Variants in TTC7A observed in about 807,000 individuals in gnomAD.
TTC7A encodes the protein tetratricopeptide repeat domain 7A.
Under a neutral mutation model 103.7 loss-of-function variants are expected in TTC7A, and 110 were observed. That is an observed-to-expected ratio of 1.06 (90% CI 0.91 to 1.24). TTC7A has a LOEUF of 1.24. Among genes scored for constraint, TTC7A ranks in the 50% most tolerant of loss-of-function variants. The pLI is 0.00. For synonymous variants in TTC7A, 521 were observed against 467.9 expected (o/e 1.11, Z -1.47); for missense variants, 1,340 against 1,116.3 (o/e 1.20, Z -2.86).
intron 2 of TTC7A, among the ~76,000 whole-genome samples, chr2:46,954,665 G>T (rs1024569169): frequency 2.1e-4 from 31 of 145,328 alleles, no homozygotes; most frequent in African/African-American, 7.8e-4. Context: ...TCCGCCTCCC[G>T]GGTTCAAGCG....
intron 15 of TTC7A, among the ~76,000 whole-genome samples, chr2:47,038,462 C>T (rs1001629227): frequency 3.9e-4 from 60 of 152,138 alleles, no homozygotes; most frequent in African/African-American, 1.3e-3. Context: ...AGAGGCGTGG[C>T]CACCTGACTC....
chr2:47,006,562 G>C, intron 9 of TTC7A, 79 bp from the exon 10 acceptor site: 1 of 1,311,844 alleles, frequency 7.6e-7, no homozygotes, highest in Middle Eastern at 1.8e-4. Flanking sequence ...GACTTGGGCA[G>C]TAACTACCCT....
At chr2:46,924,642 C>G (rs536093545) in intron 2 of TTC7A, among the ~76,000 whole-genome samples, 1 of 150,644 alleles carries the variant, frequency 6.6e-6, no homozygotes, top group African/African-American at 2.4e-5. Context: ...TTTTTTTCCC[C>G]TGGAGATAGG....
chr2:46,989,965 G>A (rs1675449764), intron 5 of TTC7A, among the ~76,000 whole-genome samples: 1 of 152,188 alleles, frequency 6.6e-6, no homozygotes, highest in South Asian at 2.1e-4. Context: ...TGGCAATGCA[G>A]AGAGAGGACA....
intron 5 of TTC7A, among the ~76,000 whole-genome samples, chr2:46,986,484 G>A (rs1382066081): frequency 6.6e-6 from 1 of 152,118 alleles, no homozygotes; most frequent in Non-Finnish European, 1.5e-5. Flanking sequence ...AGCCTGTGGT[G>A]GAGACGGTCA....
chr2:46,944,509 AGAAG>A (rs1428262395), intron 1 of TTC7A, among the ~76,000 whole-genome samples: 1 of 151,116 alleles, frequency 6.6e-6, no homozygotes, highest in East Asian at 2.0e-4. Context: ...CCTCCTGACT[AGAAG>A]GAAGGGCAGA....
At chr2:47,028,486 G>C (rs755537697) in intron 14 of TTC7A, among the ~76,000 whole-genome samples, 13 of 152,176 alleles carry the variant, frequency 8.5e-5, no homozygotes, top group Non-Finnish European at 1.6e-4. Context: ...AGCAGCTGGG[G>C]CCTGCCCTCT....
intron 2 of TTC7A, among the ~76,000 whole-genome samples, chr2:46,920,047 T>G (rs1669019133): frequency 6.6e-6 from 1 of 152,194 alleles, no homozygotes. Flanking sequence ...ACTGGGGTGG[T>G]GAATATGATG....
chr2:46,941,409 CGCTGCCGCCCGGGCCCCG>C lies in TTC7A; in HGVS notation c.-125_-108del, dbSNP rs1670358992. 8 of 844,116 alleles carry C rather than the reference CGCTGCCGCCCGGGCCCCG, an allele frequency of 9.5e-6. 1 individual carries two copies. Among genetic ancestry groups the C allele is most frequent in the South Asian group, 1.0e-4 (2 of 19,114 alleles). The allele number at this position is 844,116 out of a possible 1,614,324, so 52.3% of individuals were successfully genotyped here. On this transcript the variant is annotated 5_prime_UTR_variant, in exon 1 of 20. Coordinates refer to ENST00000319190, the MANE Select transcript of TTC7A (RefSeq NM_020458.4). The surrounding 1 kb of genome is among the most constrained non-coding windows in gnomAD (Gnocchi z 4.2). ...GCCCACCCTCCGCCGCCCGGGCCCC[CGCTGCCGCCCGGGCCCCG>C]GCTGCCGTCTGCGCCCCCGTCGACC...
intron 11 of TTC7A, among the ~76,000 whole-genome samples, chr2:47,020,263 T>C (rs1240619370): frequency 2.0e-5 from 3 of 152,226 alleles, no homozygotes; most frequent in Non-Finnish European, 4.4e-5. Flanking sequence ...GGAGCCTGTC[T>C]GGGGCTTGTC....
Position 46,956,834 on chromosome 2 carries a change from T to G in TTC7A, c.349-5T>G. 1 of 1,613,908 alleles carries G rather than the reference T, an allele frequency of 6.2e-7. No homozygotes were observed. Among genetic ancestry groups the G allele is most frequent in the Non-Finnish European group, 8.5e-7 (1 of 1,179,836 alleles). Reference sequence around the variant, plus strand: ...GGCGCTGGTAACATGTCCTTGTCATTTCAGCCACAGTACATGTGTGAGGCC... The same window carrying G: ...GGCGCTGGTAACATGTCCTTGTCATGTCAGCCACAGTACATGTGTGAGGCC... On this transcript the variant is annotated splice_polypyrimidine_tract_variant and splice_region_variant and intron_variant, in intron 2 of 19. Transcript: ENST00000319190.
rs1674142873 is a variant in TTC7A, at chr2:46,978,871, C to T, written c.728C>T (p.Ala243Val). 2 of 1,613,916 alleles carry T rather than the reference C, an allele frequency of 1.2e-6. No homozygotes were observed. Among genetic ancestry groups the T allele is most frequent in the Admixed American group, 1.7e-5 (1 of 60,002 alleles). Reference sequence around the variant, plus strand: ...GAGCTCACCTACTTCCTGGAAGCTGCCCTCCAGAGCGCCTATGTGAAAAAC... The same window carrying T: ...GAGCTCACCTACTTCCTGGAAGCTGTCCTCCAGAGCGCCTATGTGAAAAAC... ...DYELTYFLEA[A>V]LQSAYVKNLK... The change falls in exon 5 of 20, where the codon GCC becomes GTC. Residue 243 changes from alanine to valine, a missense_variant. Coordinates refer to ENST00000319190, the MANE Select transcript of TTC7A (RefSeq NM_020458.4).
intron 1 of TTC7A, among the ~76,000 whole-genome samples, chr2:46,942,044 C>T (rs1670466823): frequency 6.6e-6 from 1 of 152,210 alleles, no homozygotes; most frequent in Admixed American, 6.5e-5. Flanking sequence ...CCCCCCACCG[C>T]GGTCCGAGGG....
intron 19 of TTC7A, among the ~76,000 whole-genome samples, chr2:47,061,450 G>A (rs771795922): frequency 5.9e-5 from 9 of 152,286 alleles, no homozygotes; most frequent in Non-Finnish European, 1.2e-4. Context: ...GTTTTCTGGG[G>A]TGGGCTGTCA....
In TTC7A at chr2:47,006,127, G is replaced by A. The variant is rs1246929154; in HGVS notation, c.1203+68G>A. Reference sequence around the variant, plus strand: ...TGGTCTGTAAAGGAAATCAGACAGAGCCATTTGTCCCTTCTCCACCTGTCA... The same window carrying A: ...TGGTCTGTAAAGGAAATCAGACAGAACCATTTGTCCCTTCTCCACCTGTCA... On this transcript the variant is annotated intron_variant, in intron 9 of 19. Coordinates refer to ENST00000319190, the MANE Select transcript of TTC7A (RefSeq NM_020458.4). 25 of 1,576,718 alleles carry A rather than the reference G, an allele frequency of 1.6e-5. No homozygotes were observed. The Admixed American group carries it at 2.2e-4, about 14-fold the overall frequency.
chr2:47,051,226 TA>T (rs2104729410), intron 17 of TTC7A, among the ~76,000 whole-genome samples: 1 of 152,378 alleles, frequency 6.6e-6, no homozygotes, highest in Admixed American at 6.5e-5. Flanking sequence ...TAGACCTTAA[TA>T]AATGGCCTTT....
intron 5 of TTC7A, among the ~76,000 whole-genome samples, chr2:46,982,590 T>C (rs1199252654): frequency 6.6e-6 from 1 of 152,200 alleles, no homozygotes; most frequent in African/African-American, 2.4e-5. Flanking sequence ...AAGCTGGTGG[T>C]AAGGACCGTG....
Position 47,007,766 on chromosome 2 carries a change from G to A in TTC7A, c.1287+1042G>A, listed in dbSNP as rs969412867. 2.6e-5 allele frequency among the ~76,000 whole-genome samples: 4 copies of A among 152,172 alleles called. No homozygotes were observed. The highest frequency in any genetic ancestry group is 7.2e-5 in the African/African-American group (3 of 41,430). ...GGAGCCTTCCCTACCCCCATCTGCT[G>A]GGCATGTGTCTTTCCAAACCTCTCT... On this transcript the variant is annotated intron_variant, in intron 10 of 19. Coordinates refer to ENST00000319190, the MANE Select transcript of TTC7A (RefSeq NM_020458.4). This position sits in a 1 kb window ranked among gnomAD's most constrained non-coding sequence, Gnocchi z 4.9.
At chr2:47,014,851 A>G (rs984411913) in intron 11 of TTC7A, among the ~76,000 whole-genome samples, 6 of 152,272 alleles carry the variant, frequency 3.9e-5, no homozygotes, top group Non-Finnish European at 5.9e-5. Context: ...CTGGGTGGCC[A>G]TGTGCCCAGA....
Sources: gnomAD v4.1 joint callset for allele counts (sites outside exome capture counted in the v4.1 genomes callset) on GRCh38, gnomAD v4.1.1 for gene constraint, Gnocchi (gnomAD v3.1) non-coding constraint, MANE v1.5 for transcripts, NCBI Gene and HGNC (gene_info 2026-07-23, HGNC 2026-07-21) for gene names.